Variants in NLRP9 observed in about 807,000 individuals in gnomAD.
The protein encoded by NLRP9 is NLR family pyrin domain containing 9.
Under a neutral mutation model 83.1 loss-of-function variants are expected in NLRP9, and 88 were observed. That is an observed-to-expected ratio of 1.06 (90% confidence interval 0.89 to 1.26). The LOEUF (loss-of-function observed/expected upper bound fraction) is 1.26, where lower values mean the gene tolerates loss of function less well. Ranked by LOEUF, NLRP9 falls within the 50% of genes most tolerant of loss-of-function variation. The pLI is 0.00. For missense variants in NLRP9, 1,308 were observed against 1,179.3 expected (o/e 1.11, Z -1.60); for synonymous variants, 521 against 447.6 (o/e 1.16, Z -2.07).
At position 55,732,047 on chromosome 19, in the gene NLRP9, C is replaced by G; in HGVS notation, c.1784G>C (p.Arg595Pro). 1 of 1,599,144 alleles carries G rather than the reference C, an allele frequency of 6.3e-7. No homozygotes were observed. Among genetic ancestry groups the G allele is most frequent in the South Asian group, 1.1e-5 (1 of 87,666 alleles). ...LKHCQHLTTL[R>P]MCVENIFPDD... is the part of the protein sequence containing the mutation. ...TGGAAAGATATTCTCCACACACATG[C>G]GAAGTGTCGTTAAATGTTGACAATG... The change falls in exon 2 of 9, where the codon CGC becomes CCC. Residue 595 changes from arginine (R) to proline (P), a missense_variant. Physicochemically the swap from Arg to Pro is moderately radical, Grantham distance 103. Coordinates refer to ENST00000332836, the MANE Select transcript of NLRP9 (RefSeq NM_176820.4).
At chr19:55,735,324 C>T (rs1256145104) in intron 1 of NLRP9, among the ~76,000 whole-genome samples, 2 of 147,574 alleles carry the variant, frequency 1.4e-5, no homozygotes, top group Non-Finnish European at 3.0e-5. Flanking sequence ...CGGTGGCTCA[C>T]GCCGGTAATC....
chr19:55,717,031 T>C (rs1020992679), intron 4 of NLRP9, 133 bp from the exon 5 acceptor site: 87 of 600,222 alleles, frequency 1.4e-4, no homozygotes, highest in African/African-American at 7.4e-4. Context: ...CAGACTCTTT[T>C]TCTTTTTTTT....
chr19:55,712,157 C>T (rs1987759564), intron 7 of NLRP9, among the ~76,000 whole-genome samples, 187 bp from the exon 8 acceptor site: 1 of 152,164 alleles, frequency 6.6e-6, no homozygotes, highest in South Asian at 2.1e-4. Flanking sequence ...ACTGAAGGTG[C>T]TGCTGGCAAC....
chr19:55,728,281 C>T (rs1489770062), intron 3 of NLRP9, among the ~76,000 whole-genome samples: 1 of 152,120 alleles, frequency 6.6e-6, no homozygotes, highest in East Asian at 1.9e-4. Context: ...GTCCAAGTTT[C>T]AAGACATCAG....
chr19:55,725,396 C>T lies in NLRP9; in HGVS notation c.1995-1252G>A, dbSNP rs143539972. ...GACTCCTGGCGTTACAGCAGATGAG[C>T]GCACCCTGATTTCTCTCCTAGTCAA... On this transcript the variant is annotated intron_variant, in intron 3 of 8. Transcript: ENST00000332836. Among the ~76,000 whole-genome samples the T allele has an allele frequency of 3.3e-5, 5 of 152,234 alleles. No homozygotes were observed. The East Asian group carries it at 5.8e-4, about 18-fold the overall frequency.
intron 2 of NLRP9, among the ~76,000 whole-genome samples, chr19:55,731,566 A>G (rs1357002612): frequency 2.0e-5 from 3 of 147,670 alleles, no homozygotes; most frequent in African/African-American, 8.0e-5. Flanking sequence ...TCTACCAAAA[A>G]TACAAAAATT....
In NLRP9 at chr19:55,708,860, C is replaced by A. The variant is rs1048574758; in HGVS notation, c.*52G>T. On this transcript the variant is annotated 3_prime_UTR_variant, in exon 9 of 9. Coordinates refer to ENST00000332836, the MANE Select transcript of NLRP9 (RefSeq NM_176820.4). ...GGATAGAGGTGCCAGGTGAAGGTCCCACTGTGGCCAAGGAAAGCCTTTGTG... is the reference window on the plus strand; with the variant it reads ...GGATAGAGGTGCCAGGTGAAGGTCCAACTGTGGCCAAGGAAAGCCTTTGTG... 2.7e-5 allele frequency: 38 copies of A among 1,386,858 alleles called. No homozygotes were observed. The highest frequency in any genetic ancestry group is 3.5e-5 in the Non-Finnish European group (36 of 1,037,390). 85.9% of individuals were successfully genotyped at this position (1,386,858 alleles called of 1,614,324 possible).
intron 4 of NLRP9, among the ~76,000 whole-genome samples, chr19:55,720,722 A>G (rs1167215288): frequency 6.6e-6 from 1 of 152,278 alleles, no homozygotes; most frequent in African/African-American, 2.4e-5. Flanking sequence ...GATGATATTA[A>G]GAATGTGGAA....
At position 55,731,899 on chromosome 19, in the gene NLRP9, C is replaced by G. The variant is rs143413062; in HGVS notation, c.1832+100G>C. 9.6e-6 allele frequency: 7 copies of G among 732,518 alleles called. No homozygotes were observed. In the South Asian group the frequency reaches 1.0e-4, roughly 11 times the overall value. The allele number at this position is 732,518 out of a possible 1,614,324, so 45.4% of individuals were successfully genotyped here. On this transcript the variant is annotated intron_variant, in intron 2 of 8. Transcript: ENST00000332836. ...AGGCTTTCTGACTCCGACCTCCATG[C>G]TTTTAAGCACAGTGGCATAAGGCCC...
intron 8 of NLRP9, 31 bp from the exon 9 acceptor site, chr19:55,709,075 T>G (rs1373478791): frequency 6.5e-7 from 1 of 1,537,512 alleles, no homozygotes; most frequent in Non-Finnish European, 8.7e-7. Context: ...TTTTTTTTTT[T>G]GTTTTTCATT....
In NLRP9 at chr19:55,732,860, A is replaced by G; in HGVS notation, c.971T>C (p.Val324Ala). The G allele has an allele frequency of 1.2e-6, 2 of 1,614,168 alleles. No individual in the cohort carries two copies. Among genetic ancestry groups the G allele is most frequent in the Non-Finnish European group, 1.7e-6 (2 of 1,180,030 alleles). ...KSKALKVFNFVRDNGPLFILC... is the reference protein window; with the variant it reads ...KSKALKVFNFARDNGPLFILC... ...GATAAACAGCGGCCCATTATCTCTC[A>G]CAAAATTGAAGACTTTCAGGGCTTT... is the stretch of plus-strand genomic sequence containing the variant. The change falls in exon 2 of 9, where the codon GTG becomes GCG. Residue 324 changes from valine (V) to alanine (A), a missense_variant. Coordinates refer to ENST00000332836, the MANE Select transcript of NLRP9 (RefSeq NM_176820.4).
intron 1 of NLRP9, among the ~76,000 whole-genome samples, chr19:55,736,078 T>A (rs1381669942): frequency 6.6e-6 from 1 of 151,960 alleles, no homozygotes; most frequent in Non-Finnish European, 1.5e-5. Flanking sequence ...CCTCCAAGGT[T>A]TTTTTTTGAG....
chr19:55,715,459 C>A (rs566500388), intron 5 of NLRP9, among the ~76,000 whole-genome samples: 1 of 152,084 alleles, frequency 6.6e-6, no homozygotes, highest in Admixed American at 6.6e-5. Context: ...CTGAGGCGGG[C>A]GGATCACCTG....
At chr19:55,714,305 C>G (rs1987923019) in intron 6 of NLRP9, among the ~76,000 whole-genome samples, 1 of 151,600 alleles carries the variant, frequency 6.6e-6, no homozygotes, top group African/African-American at 2.4e-5. Context: ...CCTCTCATTA[C>G]CTGGGGAGAG....
chr19:55,732,870 A>G lies in NLRP9; in HGVS notation c.961T>C (p.Phe321Leu). The change falls in exon 2 of 9, where the codon TTC (phenylalanine) becomes CTC (leucine). Residue 321 changes from phenylalanine to leucine, a missense_variant. By Grantham distance (22) the Phe-to-Leu change is conservative (BLOSUM62 0). Transcript: ENST00000332836. ...GGCCCATTATCTCTCACAAAATTGAAGACTTTCAGGGCTTTGCTCTTCTCA... is the reference window on the plus strand; with the variant it reads ...GGCCCATTATCTCTCACAAAATTGAGGACTTTCAGGGCTTTGCTCTTCTCA... ...FGEKSKALKVFNFVRDNGPLF... is the reference protein window; with the variant it reads ...FGEKSKALKVLNFVRDNGPLF... The G allele has an allele frequency of 1.9e-6, 3 of 1,614,110 alleles. No homozygotes were observed. The highest frequency in any genetic ancestry group is 1.7e-6 in the Non-Finnish European group (2 of 1,180,020).
At chr19:55,712,296 A>G (rs1339955271) in intron 7 of NLRP9, 124 bp downstream of exon 7, 6 of 800,308 alleles carry the variant, frequency 7.5e-6, no homozygotes, top group South Asian at 1.8e-5. Flanking sequence ...AGCATTTTAC[A>G]TATCAGATCG....
At chr19:55,718,375 G>T (rs1988101089) in intron 4 of NLRP9, among the ~76,000 whole-genome samples, 1 of 152,174 alleles carries the variant, frequency 6.6e-6, no homozygotes, top group East Asian at 1.9e-4. Context: ...GAGATAAGAG[G>T]AAGGCTTCTG....
chr19:55,731,771 G>A (rs1376188001), intron 2 of NLRP9, among the ~76,000 whole-genome samples: 1 of 149,238 alleles, frequency 6.7e-6, no homozygotes, highest in Admixed American at 6.7e-5. Flanking sequence ...AATCTCACAC[G>A]AGCCCTATGA....
chr19:55,712,361 G>A (rs1196679887), intron 7 of NLRP9, 59 bp downstream of exon 7: 3 of 1,430,312 alleles, frequency 2.1e-6, no homozygotes, highest in Non-Finnish European at 2.9e-6. Context: ...TGACCCTCCA[G>A]CAATTCCTAT....
Sources: allele counts gnomAD v4.1 joint callset (sites outside exome capture counted in the v4.1 genomes callset), GRCh38; gene constraint gnomAD v4.1.1; transcripts MANE v1.5; gene names NCBI Gene and HGNC (gene_info 2026-07-23, HGNC 2026-07-21).